Variants in CEP63 observed in about 807,000 individuals in gnomAD.
The protein encoded by CEP63 is centrosomal protein of 63 kDa.
Under a neutral mutation model 89.1 loss-of-function variants are expected in CEP63, and 84 were observed. The ratio of observed to expected loss-of-function variants is 0.94; its 90% CI spans 0.79 to 1.13. The LOEUF is 1.13. Among genes scored for constraint, CEP63 ranks in the 50% most tolerant of loss-of-function variants. The pLI, the probability that CEP63 is intolerant of heterozygous loss-of-function variation, is 0.00. For synonymous variants in CEP63, 267 were observed against 272.5 expected (o/e 0.98, Z 0.20); for missense variants, 838 against 813.3 (o/e 1.03, Z -0.37).
the CEP63 span, among the ~76,000 whole-genome samples, chr3:134,630,623 T>C: frequency 6.6e-6 from 1 of 152,174 alleles, no homozygotes; most frequent in East Asian, 1.9e-4. Flanking sequence ...CTAAACATCA[T>C]ACCACAGTCT....
At chr3:134,595,484 A>G in the CEP63 span, among the ~76,000 whole-genome samples, 3 of 152,154 alleles carry the variant, frequency 2.0e-5, no homozygotes, top group African/African-American at 7.2e-5. Context: ...TGATTTAGCT[A>G]CCTTTAAGCT....
At chr3:134,610,440 C>T in the CEP63 span, 90 of 1,483,324 alleles carry the variant, frequency 6.1e-5, 1 homozygote, top group African/African-American at 1.1e-3. Context: ...GCCTCCAAGT[C>T]TGTCCATGGT....
At chr3:134,610,213 G>T in the CEP63 span, 74 of 1,613,036 alleles carry the variant, frequency 4.6e-5, no homozygotes, top group Non-Finnish European at 5.7e-5. Flanking sequence ...GAATTTGGAG[G>T]TGATGGTGTC....
chr3:134,681,448 G>A, the CEP63 span, among the ~76,000 whole-genome samples: 4 of 152,142 alleles, frequency 2.6e-5, no homozygotes, highest in Non-Finnish European at 5.9e-5. Flanking sequence ...CAGTCTATGA[G>A]GCCCTGAACC....
At chr3:134,695,563 C>T in the CEP63 span, among the ~76,000 whole-genome samples, 1 of 152,176 alleles carries the variant, frequency 6.6e-6, no homozygotes, top group African/African-American at 2.4e-5. Flanking sequence ...ACGGCTATGC[C>T]ACATGTGCTG....
downstream of CEP63, among the ~76,000 whole-genome samples, chr3:134,588,712 A>G (rs1190004136): frequency 1.3e-4 from 20 of 152,214 alleles, no homozygotes; most frequent in Admixed American, 1.3e-3. Flanking sequence ...AGGAAGACAT[A>G]AGGAGTAGCA....
At chr3:134,714,918 C>T in the CEP63 span, among the ~76,000 whole-genome samples, 14 of 152,194 alleles carry the variant, frequency 9.2e-5, no homozygotes, top group Non-Finnish European at 1.5e-4. Flanking sequence ...AGACAACGGG[C>T]TAAATGCCCA....
the CEP63 span, among the ~76,000 whole-genome samples, chr3:134,657,070 C>A: frequency 4.5e-4 from 68 of 152,104 alleles, no homozygotes; most frequent in Non-Finnish European, 8.4e-4. Context: ...AAAGACATAC[C>A]TGAAACTGGG....
the CEP63 span, among the ~76,000 whole-genome samples, chr3:134,685,937 A>G: frequency 1.3e-5 from 2 of 152,202 alleles, no homozygotes; most frequent in Admixed American, 6.5e-5. Flanking sequence ...ACTCCATGCC[A>G]GGCTCTGGGC....
the CEP63 span, among the ~76,000 whole-genome samples, chr3:134,626,520 A>G: frequency 6.6e-6 from 1 of 152,074 alleles, no homozygotes; most frequent in Non-Finnish European, 1.5e-5. Flanking sequence ...GCAGGGAGGG[A>G]CATGTGGCCT....
rs80295910 is a variant in CEP63 at position 134,496,080 on chromosome 3, A to T, written c.44+716A>T. Among the ~76,000 whole-genome samples the T allele has an allele frequency of 3.5e-3, 536 of 152,278 alleles. 2 individuals are homozygous for T. The highest frequency in any genetic ancestry group is 0.012 in the African/African-American group (504 of 41,546). ...CACATACTGATTTCCTTTCCTTTGGATAGATTACCCAATAGTGTGCTTTCT... is the reference window on the plus strand; with the variant it reads ...CACATACTGATTTCCTTTCCTTTGGTTAGATTACCCAATAGTGTGCTTTCT... On this transcript the variant is annotated intron_variant, in intron 2 of 14. Transcript: ENST00000675561.
the CEP63 span, among the ~76,000 whole-genome samples, chr3:134,726,487 C>A: frequency 9.4e-4 from 140 of 148,586 alleles, 1 homozygote; most frequent in South Asian, 1.9e-3. Context: ...CACACACACA[C>A]ACACACACAC....
At chr3:134,690,531 C>A in the CEP63 span, among the ~76,000 whole-genome samples, 1 of 152,142 alleles carries the variant, frequency 6.6e-6, no homozygotes, top group Non-Finnish European at 1.5e-5. Flanking sequence ...CAAGGTCCAG[C>A]CTTCCTCTTG....
chr3:134,503,823 A>G (rs1232381459), intron 2 of CEP63, among the ~76,000 whole-genome samples: 1 of 51,640 alleles, frequency 1.9e-5, no homozygotes, highest in Non-Finnish European at 4.5e-5. Context: ...AGGAATAACT[A>G]CTCCTGCATG....
chr3:134,575,220 TCCC>T, downstream of CEP63, among the ~76,000 whole-genome samples: 1 of 10,536 alleles, frequency 9.5e-5, no homozygotes, highest in African/African-American at 2.8e-4. Context: ...CCTCCCTCCC[TCCC>T]TCCCTCCCTC....
the CEP63 span, among the ~76,000 whole-genome samples, chr3:134,744,345 C>T: frequency 6.6e-6 from 1 of 152,058 alleles, no homozygotes; most frequent in African/African-American, 2.4e-5. Context: ...CCAATATAGC[C>T]CCCTGGAGAC....
the CEP63 span, among the ~76,000 whole-genome samples, chr3:134,726,799 A>G: frequency 1.3e-5 from 2 of 152,198 alleles, no homozygotes; most frequent in African/African-American, 4.8e-5. Flanking sequence ...GAAGTCAGGC[A>G]GGCAGCTCAG....
chr3:134,667,205 C>A, the CEP63 span, among the ~76,000 whole-genome samples: 45 of 152,330 alleles, frequency 3.0e-4, no homozygotes, highest in East Asian at 8.5e-3. Context: ...TCACTTCCCC[C>A]CGACTAATGT....
At chr3:134,771,674 G>A in the CEP63 span, among the ~76,000 whole-genome samples, 1 of 152,198 alleles carries the variant, frequency 6.6e-6, no homozygotes, top group Non-Finnish European at 1.5e-5. Context: ...AGCATTAGGA[G>A]AAATTCCTAA....
Sources: allele counts gnomAD v4.1 joint callset (sites outside exome capture counted in the v4.1 genomes callset), GRCh38; gene constraint gnomAD v4.1.1; transcripts MANE v1.5; gene names NCBI Gene and HGNC (gene_info 2026-07-23, HGNC 2026-07-21).